Variants in AFAP1L1 observed in about 807,000 individuals in gnomAD.
AFAP1L1 encodes actin filament-associated protein 1-like 1.
AFAP1L1 carries 77 observed loss-of-function variants against 99.8 expected under a neutral mutation model. The ratio of observed to expected loss-of-function variants is 0.77; its 90% CI spans 0.64 to 0.93. The LOEUF is 0.93. AFAP1L1 is among the 40% of genes least tolerant of loss of function. The pLI is 0.00. For synonymous variants in AFAP1L1, 373 were observed against 395.3 expected, an observed-to-expected ratio of 0.94 and a Z score of 0.67; for missense variants, 893 against 996.8, an observed-to-expected ratio of 0.90 and a Z score of 1.40.
At chr5:149,300,408 A>G (rs1756162629) in intron 3 of AFAP1L1, 54 bp downstream of exon 3, 4 of 1,511,718 alleles carry the variant, frequency 2.6e-6, no homozygotes, top group Admixed American at 3.5e-5. Flanking sequence ...TTCCCTGTGT[A>G]TGCAGAAGGG....
chr5:149,307,340 G>C (rs1756448338), intron 6 of AFAP1L1, 62 bp from the exon 7 acceptor site: 6 of 1,556,798 alleles, frequency 3.9e-6, no homozygotes. Flanking sequence ...TCGCTGCAGA[G>C]GGGTGAGAAG....
intron 16 of AFAP1L1, 73 bp from the exon 17 acceptor site, chr5:149,332,622 C>T (rs986331891): frequency 2.0e-6 from 3 of 1,519,288 alleles, no homozygotes; most frequent in Non-Finnish European, 2.7e-6. Flanking sequence ...CAGACAAAGG[C>T]CTGAGGCCCT....
intron 1 of AFAP1L1, 34 bp from the exon 2 acceptor site, chr5:149,299,475 A>G (rs1442827824): frequency 1.2e-6 from 2 of 1,612,514 alleles, no homozygotes; most frequent in Middle Eastern, 1.7e-4. Flanking sequence ...GTGACTGTGC[A>G]GCTGTGACTG....
intron 1 of AFAP1L1, among the ~76,000 whole-genome samples, chr5:149,286,723 C>T (rs1037637930): frequency 6.6e-6 from 1 of 152,212 alleles, no homozygotes; most frequent in Non-Finnish European, 1.5e-5. Context: ...TGCTTCTCAA[C>T]AGCATCATCA....
rs1219388386 is a variant in AFAP1L1, at chr5:149,342,289, T to C, written c.*2259T>C. On this transcript the variant is annotated 3_prime_UTR_variant, in exon 19 of 19. Coordinates refer to ENST00000296721, the MANE Select transcript of AFAP1L1 (RefSeq NM_152406.4). ...CACTGAAACCCTGAGATAAGTTATA[T>C]TGCCCTAGTTTTCACAGTTCAGGAA... Among the ~76,000 whole-genome samples, 1 of 152,232 alleles carries C rather than the reference T, an allele frequency of 6.6e-6. No homozygotes were observed. Among genetic ancestry groups the C allele is most frequent in the Non-Finnish European group, 1.5e-5 (1 of 68,038 alleles).
chr5:149,311,228 T>C (rs1438610546), intron 8 of AFAP1L1, among the ~76,000 whole-genome samples: 1 of 152,188 alleles, frequency 6.6e-6, no homozygotes, highest in Non-Finnish European at 1.5e-5. Flanking sequence ...ACATTTGGTG[T>C]TTCTCATTAC....
chr5:149,318,836 G>A (rs1756871171), intron 12 of AFAP1L1, among the ~76,000 whole-genome samples: 1 of 152,182 alleles, frequency 6.6e-6, no homozygotes, highest in African/African-American at 2.4e-5. Flanking sequence ...TTATCCAGGG[G>A]TCCACAGAGG....
intron 18 of AFAP1L1, among the ~76,000 whole-genome samples, chr5:149,336,361 G>A (rs926517756): frequency 6.6e-6 from 1 of 152,206 alleles, no homozygotes; most frequent in Non-Finnish European, 1.5e-5. Flanking sequence ...GCCACCAAAT[G>A]AGTCTATACC....
At position 149,322,781 on chromosome 5, in the gene AFAP1L1, G is replaced by A. The variant is rs1337944680; in HGVS notation, c.1810+64G>A. ...AAGGAAAGGAAGCAGTCTATAGGAG[G>A]GATCTCAAAATCAGTTTCCCTGGTG... On this transcript the variant is annotated intron_variant, in intron 15 of 18. Coordinates refer to ENST00000296721, the MANE Select transcript of AFAP1L1 (RefSeq NM_152406.4). The A allele has an allele frequency of 1.4e-5, 19 of 1,355,618 alleles. No homozygotes were observed. In the Admixed American group the frequency reaches 4.4e-4, roughly 31 times the overall value. 84.0% of individuals were successfully genotyped at this position (1,355,618 alleles called of 1,614,324 possible). A position where few individuals can be genotyped will look rare whatever the true frequency, so the allele number is the denominator to read the frequency against.
intron 18 of AFAP1L1, among the ~76,000 whole-genome samples, chr5:149,336,442 G>C (rs1275975597): frequency 6.6e-6 from 1 of 152,208 alleles, no homozygotes. Flanking sequence ...GTGTGGACCT[G>C]TCCTGGTCCA....
intron 1 of AFAP1L1, among the ~76,000 whole-genome samples, chr5:149,288,398 A>G (rs926035476): frequency 6.6e-6 from 1 of 152,222 alleles, no homozygotes; most frequent in Non-Finnish European, 1.5e-5. Context: ...TATGAGGAGT[A>G]AGTGAGGTAA....
At chr5:149,316,791 C>T (rs574005644) in intron 11 of AFAP1L1, among the ~76,000 whole-genome samples, 9 of 152,136 alleles carry the variant, frequency 5.9e-5, no homozygotes, top group Admixed American at 1.3e-4. Context: ...TGTAGCGTTC[C>T]ATGTACTGGA....
intron 15 of AFAP1L1, among the ~76,000 whole-genome samples, chr5:149,326,574 A>G (rs1030311504): frequency 6.7e-6 from 1 of 149,040 alleles, no homozygotes; most frequent in Non-Finnish European, 1.5e-5. Context: ...AAAGAAAAAT[A>G]TATATATATT....
rs1756575046 is a variant in AFAP1L1 at position 149,310,076 on chromosome 5, G to C, written c.868G>C (p.Ala290Pro). Residue 290 changes from alanine to proline, a missense_variant, in exon 8 of 19, where the codon GCT becomes CCT. Transcript: ENST00000296721. ...KRHELRFTQG[A>P]TEVLVLALQS... ...GCACGAGCTGCGTTTCACCCAGGGG[G>C]CTACCGAGGTCTTGGTGCTGGCACT... The C allele has an allele frequency of 6.2e-7, 1 of 1,614,016 alleles. No individual in the cohort carries two copies.
chr5:149,293,341 C>T (rs1349721513), intron 1 of AFAP1L1, among the ~76,000 whole-genome samples: 1 of 152,200 alleles, frequency 6.6e-6, no homozygotes, highest in African/African-American at 2.4e-5. Context: ...GGGAGGGGAG[C>T]CCAAATTCTC....
intron 15 of AFAP1L1, among the ~76,000 whole-genome samples, chr5:149,323,225 TG>T (rs1191793759): frequency 1.3e-5 from 2 of 152,248 alleles, no homozygotes; most frequent in Non-Finnish European, 2.9e-5. Flanking sequence ...ATTTCTGAAC[TG>T]GGGTAGTAAG....
intron 15 of AFAP1L1, among the ~76,000 whole-genome samples, chr5:149,328,066 A>G (rs906643089): frequency 1.3e-5 from 2 of 152,246 alleles, no homozygotes; most frequent in Admixed American, 1.3e-4. Context: ...GTCATCATGT[A>G]TAAGAGAACC....
At chr5:149,288,670 G>C (rs1280300754) in intron 1 of AFAP1L1, among the ~76,000 whole-genome samples, 2 of 152,188 alleles carry the variant, frequency 1.3e-5, no homozygotes, top group Non-Finnish European at 2.9e-5. Flanking sequence ...CGCAGACAAA[G>C]GAACAATTCT....
Position 149,322,659 on chromosome 5 carries a change from C to T in AFAP1L1, c.1752C>T (p.Ser584=), listed in dbSNP as rs757888299. 3 of 1,595,358 alleles carry T rather than the reference C, an allele frequency of 1.9e-6. No homozygotes were observed. The South Asian group carries it at 3.4e-5, about 18-fold the overall frequency. The change falls in exon 15 of 19, where the codon TCC becomes TCT. Residue 584 remains serine (S), a synonymous_variant. Transcript: ENST00000296721. ...CCCAGGTGAAGCGTCACGCCTCCTC[C>T]TGCAGTGAGAAGTCCCATCGTGTGG... ...TGAQVKRHAS[S]CSEKSHRVDP... is the part of the protein sequence containing the mutation.
Sources: gnomAD v4.1 joint callset for allele counts (sites outside exome capture counted in the v4.1 genomes callset) on GRCh38, gnomAD v4.1.1 for gene constraint, MANE v1.5 for transcripts, NCBI Gene and HGNC (gene_info 2026-07-23, HGNC 2026-07-21) for gene names.